The following KIFAP3 variants were observed in gnomAD, a reference collection of about 807,000 sequenced individuals.
KIFAP3 encodes kinesin-associated protein 3.
Under a neutral mutation model 106.5 loss-of-function variants are expected in KIFAP3, and 68 were observed. The ratio of observed to expected loss-of-function variants is 0.64; its 90% CI spans 0.53 to 0.78. The LOEUF (loss-of-function observed/expected upper bound fraction) is 0.78. Among genes scored for constraint, KIFAP3 ranks in the 30% least tolerant of loss-of-function variants. The pLI is 0.00. For synonymous variants in KIFAP3, 320 were observed against 311.5 expected, an observed-to-expected ratio of 1.03 and a Z score of -0.29; for missense variants, 780 against 941.8, an observed-to-expected ratio of 0.83 and a Z score of 2.25.
intron 11 of KIFAP3, 50 bp from the exon 12 acceptor site, chr1:169,984,740 C>A (rs779566290): frequency 1.3e-5 from 12 of 944,644 alleles, no homozygotes; most frequent in South Asian, 1.0e-4. Context: ...AGACAAAAAA[C>A]CAAACACAGA....
At chr1:170,044,828 C>G (rs1283568848) in intron 3 of KIFAP3, among the ~76,000 whole-genome samples, 1 of 152,086 alleles carries the variant, frequency 6.6e-6, no homozygotes, top group Non-Finnish European at 1.5e-5. Flanking sequence ...AATGGCAATT[C>G]CAAGGTGAAC....
chr1:170,072,195 G>A (rs969667411), intron 1 of KIFAP3, among the ~76,000 whole-genome samples: 6 of 152,080 alleles, frequency 3.9e-5, no homozygotes, highest in East Asian at 1.9e-4. Context: ...TTACTAAAGC[G>A]CTTAAGTCCC....
At chr1:170,001,530 C>T (rs1044467870) in intron 10 of KIFAP3, among the ~76,000 whole-genome samples, 3 of 152,122 alleles carry the variant, frequency 2.0e-5, no homozygotes, top group Non-Finnish European at 4.4e-5. Flanking sequence ...AACTGTTTGC[C>T]ACTTCTGACC....
chr1:169,987,553 C>T lies in KIFAP3; in HGVS notation c.1285-2863G>A, dbSNP rs184533547. Among the ~76,000 whole-genome samples, 6 of 152,184 alleles carry T rather than the reference C, an allele frequency of 3.9e-5. No homozygotes were observed. In the East Asian group the frequency reaches 1.2e-3, roughly 29 times the overall value. On this transcript the variant is annotated intron_variant, in intron 11 of 19. Coordinates refer to ENST00000361580, the MANE Select transcript of KIFAP3 (RefSeq NM_014970.4). ...TTCTGACTGGCTACTCCCTAACTCT[C>T]CTGTTTGAAGTGATGCTCTGGTTTC...
chr1:169,994,104 G>A (rs1667257087), intron 10 of KIFAP3, among the ~76,000 whole-genome samples: 1 of 151,864 alleles, frequency 6.6e-6, no homozygotes, highest in African/African-American at 2.4e-5. Flanking sequence ...TATATATCAA[G>A]AGCCATGCTA....
intron 3 of KIFAP3, among the ~76,000 whole-genome samples, chr1:170,044,874 T>TA (rs1670163630): frequency 6.6e-6 from 1 of 152,210 alleles, no homozygotes; most frequent in Non-Finnish European, 1.5e-5. Flanking sequence ...CTACTCTGAC[T>TA]GAAGAGGAGT....
At chr1:170,054,630 T>C (rs191684456) in intron 2 of KIFAP3, among the ~76,000 whole-genome samples, 77 of 152,186 alleles carry the variant, frequency 5.1e-4, no homozygotes, top group Non-Finnish European at 7.9e-4. Flanking sequence ...TATGTAGCCA[T>C]AAAAAAGAAT....
intron 2 of KIFAP3, among the ~76,000 whole-genome samples, chr1:170,048,484 G>A (rs1670387052): frequency 6.6e-6 from 1 of 151,962 alleles, no homozygotes; most frequent in Admixed American, 6.6e-5. Context: ...TTCAAGTGCA[G>A]CTTTTTGTGT....
rs1669790318 is a variant in KIFAP3, at chr1:170,038,348, A to T, written c.459T>A (p.Ser153=). Residue 153 remains serine (S), a synonymous_variant, in exon 5 of 20, where the codon TCT becomes TCA. Coordinates refer to ENST00000361580, the MANE Select transcript of KIFAP3 (RefSeq NM_014970.4). ...YEDIPDKVRG[S]ALILQLARNP... is the part of the protein sequence containing the mutation. ...TTCGAGCAAGCTGCAGGATCAAAGC[A>T]GAACCCCGAACTTTGTCAGGAATAT... The T allele has an allele frequency of 6.2e-7, 1 of 1,610,484 alleles. No homozygotes were observed. Among genetic ancestry groups the T allele is most frequent in the South Asian group, 1.1e-5 (1 of 90,136 alleles).
intron 10 of KIFAP3, among the ~76,000 whole-genome samples, chr1:169,996,958 G>C (rs759853386): frequency 2.0e-5 from 3 of 152,138 alleles, no homozygotes; most frequent in African/African-American, 2.4e-5. Context: ...TTGAGGACTA[G>C]ACCTACAGCA....
chr1:169,962,295 A>T (rs968230027), intron 17 of KIFAP3, among the ~76,000 whole-genome samples: 4 of 152,198 alleles, frequency 2.6e-5, no homozygotes, highest in South Asian at 2.1e-4. Flanking sequence ...TGTCAGAAAG[A>T]AAGTTCTTGG....
At chr1:170,046,679 T>G in intron 3 of KIFAP3, 33 bp downstream of exon 3, 2 of 1,423,180 alleles carry the variant, frequency 1.4e-6, no homozygotes, top group South Asian at 1.7e-5. Flanking sequence ...AACTTTGGAT[T>G]TGCATTAGGA....
At chr1:169,923,044 C>T in intron 19 of KIFAP3, 1 of 977,708 alleles carries the variant, frequency 1.0e-6, no homozygotes, top group East Asian at 1.1e-4. Context: ...ATGTAAAGAG[C>T]CAAAATACAT....
intron 10 of KIFAP3, among the ~76,000 whole-genome samples, chr1:170,013,375 T>C (rs189531352): frequency 6.6e-6 from 1 of 151,926 alleles, no homozygotes; most frequent in East Asian, 1.9e-4. Flanking sequence ...TGATGATAAT[T>C]TCACATATTT....
At chr1:169,976,623 A>T (rs1558212389) in intron 16 of KIFAP3, among the ~76,000 whole-genome samples, 1 of 152,186 alleles carries the variant, frequency 6.6e-6, no homozygotes, top group Non-Finnish European at 1.5e-5. Flanking sequence ...GCAGAATAGT[A>T]TTTGTATTTC....
At chr1:169,948,595 A>ATC (rs1360523680) in intron 19 of KIFAP3, among the ~76,000 whole-genome samples, 1 of 151,958 alleles carries the variant, frequency 6.6e-6, no homozygotes, top group East Asian at 1.9e-4. Context: ...CACTTTTTTG[A>ATC]TCCTTCCATC....
intron 5 of KIFAP3, among the ~76,000 whole-genome samples, chr1:170,035,902 TTTTTTC>T (rs1342346220): frequency 2.0e-5 from 3 of 151,954 alleles, no homozygotes; most frequent in Non-Finnish European, 4.4e-5. Context: ...CAGTACTGAT[TTTTTTC>T]TTTTTAACAT....
At chr1:169,951,527 A>G (rs1015451644) in intron 19 of KIFAP3, among the ~76,000 whole-genome samples, 1 of 151,896 alleles carries the variant, frequency 6.6e-6, no homozygotes, top group East Asian at 1.9e-4. Flanking sequence ...AAGTCATGTA[A>G]AAAAATCTTA....
At chr1:170,041,082 CAA>C (rs1407439088) in intron 3 of KIFAP3, among the ~76,000 whole-genome samples, 1 of 152,122 alleles carries the variant, frequency 6.6e-6, no homozygotes, top group African/African-American at 2.4e-5. Context: ...CTCGGCCTCC[CAA>C]AGTGCTGACA....
Sources: allele counts gnomAD v4.1 joint callset (sites outside exome capture counted in the v4.1 genomes callset), GRCh38; gene constraint gnomAD v4.1.1; transcripts MANE v1.5; gene names NCBI Gene and HGNC (gene_info 2026-07-23, HGNC 2026-07-21).